The following STPG2 variants were observed in gnomAD, a reference collection of about 807,000 sequenced individuals.
The protein encoded by STPG2 is sperm tail PG-rich repeat containing 2.
STPG2 carries 56 observed loss-of-function variants against 54.2 expected under a neutral mutation model. That is an observed-to-expected ratio of 1.03 (90% confidence interval 0.83 to 1.29). STPG2 has a LOEUF of 1.29. STPG2 is among the 50% of genes most tolerant of loss of function. STPG2 has a pLI of 0.00. For synonymous variants in STPG2, 200 were observed against 181.8 expected (o/e 1.10, Z -0.81); for missense variants, 596 against 544.9 (o/e 1.09, Z -0.93).
At chr4:97,854,998 C>A (rs547682068) in intron 8 of STPG2, among the ~76,000 whole-genome samples, 8 of 152,094 alleles carry the variant, frequency 5.3e-5, no homozygotes, top group Non-Finnish European at 8.8e-5. Flanking sequence ...TGAGAACATG[C>A]GATATTTAGT....
At chr4:98,021,845 C>T (rs934946392) in intron 5 of STPG2, among the ~76,000 whole-genome samples, 24 of 152,000 alleles carry the variant, frequency 1.6e-4, no homozygotes, top group African/African-American at 5.5e-4. Context: ...GCAACCCCTG[C>T]CTTTTTTTGT....
intron 5 of STPG2, among the ~76,000 whole-genome samples, chr4:98,001,462 C>T (rs1288331866): frequency 6.6e-6 from 1 of 151,930 alleles, no homozygotes; most frequent in Non-Finnish European, 1.5e-5. Flanking sequence ...TCAGTATAGT[C>T]TTCCTGCTCT....
rs181045887 is a variant in STPG2 at position 97,687,824 on chromosome 4, A to T, written c.1320+24875T>A. Among the ~76,000 whole-genome samples the T allele has an allele frequency of 3.8e-4, 58 of 152,250 alleles. 2 individuals are homozygous for T. In the East Asian group the frequency reaches 0.011, roughly 28 times the overall value. On this transcript the variant is annotated intron_variant, in intron 10 of 10. Transcript: ENST00000295268. ...AGGAAAAGAACCTGTATATGTTCTAAATTAATTTTTTGGAAGCACTTCCTT... is the reference window on the plus strand; with the variant it reads ...AGGAAAAGAACCTGTATATGTTCTATATTAATTTTTTGGAAGCACTTCCTT...
chr4:98,045,076 C>T (rs1019066039), intron 5 of STPG2, among the ~76,000 whole-genome samples: 2 of 151,122 alleles, frequency 1.3e-5, no homozygotes, highest in African/African-American at 4.9e-5. Context: ...CTGCCCAGCA[C>T]CTTCCTACAG....
intron 3 of STPG2, among the ~76,000 whole-genome samples, chr4:98,110,600 A>G (rs1051950908): frequency 4.6e-5 from 7 of 152,146 alleles, no homozygotes; most frequent in Admixed American, 2.0e-4. Context: ...ACCCAAAGTT[A>G]AAAGGTCAAT....
At chr4:97,972,539 A>G in intron 6 of STPG2, 99 bp from the exon 7 acceptor site, 2 of 676,824 alleles carry the variant, frequency 3.0e-6, no homozygotes, top group Non-Finnish European at 4.4e-6. Flanking sequence ...TCTAAATAAA[A>G]AACCCTCACA....
Position 97,782,278 on chromosome 4 carries a change from T to G in STPG2, c.1204+58495A>C, listed in dbSNP as rs573819567. ...TGTGCAAAAATCACAAGCATTCTTA[T>G]ACACCAATAACAGACAGAGAGCCAT... On this transcript the variant is annotated intron_variant, in intron 9 of 10. Transcript: ENST00000295268. 1.1e-4 allele frequency among the ~76,000 whole-genome samples: 17 copies of G among 152,282 alleles called. No homozygotes were observed. The South Asian group carries it at 2.1e-3, about 19-fold the overall frequency.
At chr4:98,133,397 T>G (rs571510431) in intron 2 of STPG2, among the ~76,000 whole-genome samples, 147 of 152,104 alleles carry the variant, frequency 9.7e-4, no homozygotes, top group Non-Finnish European at 1.6e-3. Flanking sequence ...CAGTCACCGT[T>G]CACAGAGCCT....
At chr4:98,021,566 T>C (rs1736196493) in intron 5 of STPG2, among the ~76,000 whole-genome samples, 1 of 152,160 alleles carries the variant, frequency 6.6e-6, no homozygotes, top group Non-Finnish European at 1.5e-5. Flanking sequence ...AATTCCTGGG[T>C]ATCCTTGTTA....
chr4:97,695,341 C>A (rs1293409919), intron 10 of STPG2, among the ~76,000 whole-genome samples: 1 of 152,038 alleles, frequency 6.6e-6, no homozygotes, highest in Non-Finnish European at 1.5e-5. Context: ...AAGGAACATA[C>A]CTTAAGGTAA....
chr4:97,859,961 G>A (rs1729464351), intron 8 of STPG2, among the ~76,000 whole-genome samples: 1 of 152,100 alleles, frequency 6.6e-6, no homozygotes, highest in South Asian at 2.1e-4. Flanking sequence ...AATTATTCTG[G>A]CATCATTTGT....
chr4:97,970,985 A>G (rs1184831255), intron 7 of STPG2, among the ~76,000 whole-genome samples: 1 of 152,198 alleles, frequency 6.6e-6, no homozygotes, highest in Non-Finnish European at 1.5e-5. Context: ...CCCCAGCAAA[A>G]AGTGGGCAAA....
chr4:97,463,019 C>T (rs1020757076), intron 4 of STPG2, among the ~76,000 whole-genome samples: 3 of 152,054 alleles, frequency 2.0e-5, no homozygotes, highest in African/African-American at 7.2e-5. Flanking sequence ...AATAAATGAG[C>T]ATAAATTTTA....
chr4:97,873,490 A>G (rs538313087), intron 8 of STPG2, among the ~76,000 whole-genome samples: 40 of 151,694 alleles, frequency 2.6e-4, no homozygotes, highest in Non-Finnish European at 4.9e-4. Context: ...TAGAAAAATT[A>G]CACTACAATA....
rs1578354791 is a variant in STPG2, at chr4:97,513,585, G to T, written c.462+199114C>A. On this transcript the variant is annotated intron_variant, in intron 4 of 4. Coordinates refer to the STPG2 transcript ENST00000522676. ...AGAGATCCCAAGGGTTCTACTGTGT[G>T]CCAGGGAACCAGATGAAGTCCAAAT... Among the ~76,000 whole-genome samples, 3 of 152,136 alleles carry T rather than the reference G, an allele frequency of 2.0e-5. No individual in the cohort carries two copies. In the South Asian group the frequency reaches 6.2e-4, roughly 32 times the overall value.
intron 8 of STPG2, among the ~76,000 whole-genome samples, chr4:97,860,489 TTTATTTTATTTTATTTTATTTTATTTTA>T: frequency 6.7e-6 from 1 of 148,582 alleles, no homozygotes; most frequent in East Asian, 2.0e-4. Flanking sequence ...TTTATTTTAT[TTTATTTTATTTTATTTTATTTTATTTTA>T]TTATTTTATT....
intron 9 of STPG2, among the ~76,000 whole-genome samples, chr4:97,810,857 G>A (rs1046628832): frequency 1.3e-5 from 2 of 151,896 alleles, no homozygotes; most frequent in African/African-American, 4.8e-5. Flanking sequence ...AAGAAACCAG[G>A]TACTTAAAAC....
chr4:98,091,582 A>G (rs184537650), intron 5 of STPG2, among the ~76,000 whole-genome samples: 2 of 152,140 alleles, frequency 1.3e-5, no homozygotes, highest in Non-Finnish European at 2.9e-5. Context: ...CTCATTGTAT[A>G]ATTGTTTAGA....
At chr4:97,844,106 C>A (rs549884790) in intron 8 of STPG2, among the ~76,000 whole-genome samples, 1 of 151,988 alleles carries the variant, frequency 6.6e-6, no homozygotes, top group South Asian at 2.1e-4. Flanking sequence ...CTCCTAATTT[C>A]ATACAAATTC....
Sources: allele counts gnomAD v4.1 joint callset (sites outside exome capture counted in the v4.1 genomes callset), GRCh38; gene constraint gnomAD v4.1.1; transcripts MANE v1.5; gene names NCBI Gene and HGNC (gene_info 2026-07-23, HGNC 2026-07-21).